WWC1: variants seen among roughly 807,000 people sequenced by gnomAD.
WWC1 encodes WW and C2 domain containing 1, also known as protein KIBRA.
Under a neutral mutation model 138.4 loss-of-function variants are expected in WWC1, and 55 were observed. The observed-to-expected ratio is 0.40, with a 90% CI of 0.32 to 0.50. The LOEUF (loss-of-function observed/expected upper bound fraction) is 0.50. Among genes scored for constraint, WWC1 ranks in the 20% least tolerant of loss-of-function variants. The probability of loss-of-function intolerance (pLI) is 0.72; values close to 1 mark genes in which losing one functional copy is unlikely to be tolerated. For synonymous variants in WWC1, 524 were observed against 564.9 expected, an observed-to-expected ratio of 0.93 and a Z score of 1.03; for missense variants, 1,226 against 1,420.4, an observed-to-expected ratio of 0.86 and a Z score of 2.20.
chr5:168,387,828 G>A (rs533250065), intron 3 of WWC1, among the ~76,000 whole-genome samples: 7 of 152,216 alleles, frequency 4.6e-5, no homozygotes, highest in East Asian at 3.9e-4. Flanking sequence ...AATTCAGTCC[G>A]TACCATTTTT....
At chr5:168,391,259 G>A (rs1007224163) in intron 3 of WWC1, among the ~76,000 whole-genome samples, 1 of 152,032 alleles carries the variant, frequency 6.6e-6, no homozygotes, top group Non-Finnish European at 1.5e-5. Flanking sequence ...TTGAAGCCAG[G>A]CTTGGTGGCA....
intron 2 of WWC1, among the ~76,000 whole-genome samples, chr5:168,380,633 A>T (rs992576094): frequency 2.0e-5 from 3 of 152,182 alleles, no homozygotes; most frequent in Admixed American, 6.5e-5. Context: ...ATGAAATTCG[A>T]CATATACTTG....
At chr5:168,467,258 A>C (rs773925724) in intron 21 of WWC1, among the ~76,000 whole-genome samples, 38 of 152,372 alleles carry the variant, frequency 2.5e-4, no homozygotes, top group Non-Finnish European at 4.6e-4. Flanking sequence ...ACTCCGTCTC[A>C]AAACAAACAA....
intron 9 of WWC1, chr5:168,416,051 G>A (rs1465621409): frequency 6.6e-6 from 1 of 151,946 alleles, no homozygotes; most frequent in Non-Finnish European, 1.5e-5. Flanking sequence ...GAGCTCTAAG[G>A]CACCCAGCTT....
In WWC1 at chr5:168,381,433, C is replaced by T. The variant is rs140965444; in HGVS notation, c.230-3778C>T. Among the ~76,000 whole-genome samples the T allele has an allele frequency of 5.0e-3, 762 of 152,314 alleles. 9 individuals are homozygous for T. Among genetic ancestry groups the T allele is most frequent in the African/African-American group, 0.018 (734 of 41,574 alleles). On this transcript the variant is annotated intron_variant, in intron 2 of 22. Transcript: ENST00000265293. ...CCACCTGGAGCCCGCATCGCACCTG[C>T]CAGCCTCAGTGACCAATCGGCCCAT...
chr5:168,441,665 G>T lies in WWC1; in HGVS notation c.2281-17G>T, dbSNP rs1754779270. The T allele has an allele frequency of 6.2e-7, 1 of 1,612,528 alleles. No individual in the cohort carries two copies. The highest frequency in any genetic ancestry group is 8.5e-7 in the Non-Finnish European group (1 of 1,179,234). On this transcript the variant is annotated splice_polypyrimidine_tract_variant and intron_variant, in intron 15 of 22. Transcript: ENST00000265293. ...CCCCACCGCCACTTATGTTCTCCTT[G>T]TTTCCATCCCCAACAGGGAGGCGCC...
Position 168,321,490 on chromosome 5 carries a change from A to AGG in WWC1, c.119+29223_119+29224dup, listed in dbSNP as rs1772076414. Among the ~76,000 whole-genome samples the AGG allele has an allele frequency of 2.6e-5, 4 of 151,490 alleles. No individual in the cohort carries two copies. The South Asian group carries it at 8.4e-4, about 32-fold the overall frequency. On this transcript the variant is annotated intron_variant, in intron 1 of 22. Coordinates refer to ENST00000265293, the MANE Select transcript of WWC1 (RefSeq NM_015238.3). ...AAGAAATCATTCTCCAACTCCCTGAAGGGGGACAGGTTCAGTATTTGCCTT... is the reference window on the plus strand; with the variant it reads ...AAGAAATCATTCTCCAACTCCCTGAAGGGGGGGACAGGTTCAGTATTTGCCTT...
intron 1 of WWC1, among the ~76,000 whole-genome samples, chr5:168,326,673 T>G (rs1772583766): frequency 6.6e-6 from 1 of 151,992 alleles, no homozygotes; most frequent in Non-Finnish European, 1.5e-5. Flanking sequence ...GCCTTCCAAG[T>G]AGCTGGGATT....
At chr5:168,451,542 A>C (rs1755814693) in intron 17 of WWC1, among the ~76,000 whole-genome samples, 1 of 152,060 alleles carries the variant, frequency 6.6e-6, no homozygotes, top group Non-Finnish European at 1.5e-5. Flanking sequence ...TCTGCAAAAG[A>C]TTTACTAAAT....
chr5:168,419,191 C>G (rs893491559), intron 9 of WWC1, among the ~76,000 whole-genome samples: 3 of 152,194 alleles, frequency 2.0e-5, no homozygotes, highest in Non-Finnish European at 4.4e-5. Flanking sequence ...AGGCCCCAGG[C>G]TGGGTTAGCT....
chr5:168,312,740 C>T (rs912755150), intron 1 of WWC1, among the ~76,000 whole-genome samples: 3 of 151,570 alleles, frequency 2.0e-5, no homozygotes, highest in South Asian at 2.1e-4. Context: ...GTACAGGAGA[C>T]GTCAGGGGTC....
In WWC1 at chr5:168,381,087, G is replaced by T. The variant is rs556536046; in HGVS notation, c.230-4124G>T. The stretch of plus-strand genomic sequence containing the variant: ...AGTGGAAATCTCTCGGGTGATTCCA[G>T]TGTGCAACCAGTTTGAGAACCAGTT... On this transcript the variant is annotated intron_variant, in intron 2 of 22. Transcript: ENST00000265293. 3.3e-5 allele frequency among the ~76,000 whole-genome samples: 5 copies of T among 152,268 alleles called. No homozygotes were observed. The East Asian group carries it at 9.7e-4, about 29-fold the overall frequency.
chr5:168,333,699 C>T (rs1285509992), intron 1 of WWC1, among the ~76,000 whole-genome samples: 1 of 152,090 alleles, frequency 6.6e-6, no homozygotes, highest in Non-Finnish European at 1.5e-5. Flanking sequence ...CATCCCCCCG[C>T]CCAGGCTTTA....
chr5:168,325,432 C>T (rs1188384217), intron 1 of WWC1, among the ~76,000 whole-genome samples: 2 of 152,158 alleles, frequency 1.3e-5, no homozygotes, highest in East Asian at 3.9e-4. Flanking sequence ...TGTCCGCCCT[C>T]AGGCTGGTTC....
rs994552254 is a variant in WWC1, at chr5:168,469,397, T to C, written c.*380T>C. The C allele has an allele frequency of 5.1e-6, 1 of 194,812 alleles. No individual in the cohort carries two copies. Among genetic ancestry groups the C allele is most frequent in the Admixed American group, 5.5e-5 (1 of 18,192 alleles). The allele number at this position is 194,812 out of a possible 1,614,324, so 12.1% of individuals were successfully genotyped here. ...CAGCTCCACCTTTTAGAGGTCTTAC[T>C]GCAATAAGAAGTAATGCCTGGGGGA... On this transcript the variant is annotated 3_prime_UTR_variant, in exon 23 of 23. Transcript: ENST00000265293.
chr5:168,367,262 A>G (rs1776366148), intron 1 of WWC1, among the ~76,000 whole-genome samples: 1 of 152,130 alleles, frequency 6.6e-6, no homozygotes, highest in Admixed American at 6.6e-5. Flanking sequence ...CACCTTCTGT[A>G]TCTCTAGCAC....
chr5:168,387,999 A>G (rs1332041208), intron 3 of WWC1, among the ~76,000 whole-genome samples: 5 of 152,186 alleles, frequency 3.3e-5, no homozygotes, highest in Non-Finnish European at 7.3e-5. Flanking sequence ...GGGGGACAGG[A>G]TATTTACATG....
At chr5:168,449,958 AG>A (rs1755650086) in intron 17 of WWC1, among the ~76,000 whole-genome samples, 1 of 152,226 alleles carries the variant, frequency 6.6e-6, no homozygotes, top group Non-Finnish European at 1.5e-5. Flanking sequence ...TCCTCATCTA[AG>A]TACAGAAGAG....
At chr5:168,418,513 C>T (rs55950979) in intron 9 of WWC1, among the ~76,000 whole-genome samples, 65,842 of 151,970 alleles carry the variant, frequency 0.43, 15,711 homozygotes, top group East Asian at 0.77. Flanking sequence ...GGCCTCCCAG[C>T]GTGTGCCAGG....
Sources: allele counts gnomAD v4.1 joint callset (sites outside exome capture counted in the v4.1 genomes callset), GRCh38; gene constraint gnomAD v4.1.1; transcripts MANE v1.5; gene names NCBI Gene and HGNC (gene_info 2026-07-23, HGNC 2026-07-21).